The following TRAPPC9 variants were observed in gnomAD, a reference collection of about 807,000 sequenced individuals.
The protein encoded by TRAPPC9 is IKK2 binding protein.
In TRAPPC9, 83 loss-of-function variants were observed where a neutral mutation model predicts 124.0. That is an observed-to-expected ratio of 0.67 (90% CI 0.56 to 0.80). The LOEUF (loss-of-function observed/expected upper bound fraction) is 0.80, where lower values mean the gene tolerates loss of function less well. TRAPPC9 is among the 30% of genes least tolerant of loss of function. The pLI, the probability that TRAPPC9 is intolerant of heterozygous loss-of-function variation, is 0.00. For synonymous variants in TRAPPC9, 638 were observed against 617.5 expected, an observed-to-expected ratio of 1.03 and a Z score of -0.49; for missense variants, 1,302 against 1,508.3, an observed-to-expected ratio of 0.86 and a Z score of 2.27.
In TRAPPC9 at chr8:140,352,989, G is replaced by A. The variant is rs74456058; in HGVS notation, c.1495+7061C>T. Among the ~76,000 whole-genome samples the A allele has an allele frequency of 5.7e-3, 863 of 152,226 alleles. 10 individuals carry two copies. The highest frequency in any genetic ancestry group is 0.02 in the African/African-American group (821 of 41,510). On this transcript the variant is annotated intron_variant, in intron 9 of 22. Transcript: ENST00000438773. ...GCAGCAGACATTGTTAGGCACTTCA[G>A]GTGTGTCATCTCCAATCCTTAAAAC...
intron 21 of TRAPPC9, among the ~76,000 whole-genome samples, chr8:139,738,454 G>T (rs550434551): frequency 2.0e-5 from 3 of 152,302 alleles, no homozygotes; most frequent in East Asian, 3.9e-4. Context: ...GAAGACCCTG[G>T]GCCATCGGAG....
chr8:139,981,803 C>T (rs1836915274), intron 19 of TRAPPC9, among the ~76,000 whole-genome samples: 1 of 152,200 alleles, frequency 6.6e-6, no homozygotes, highest in African/African-American at 2.4e-5. Flanking sequence ...TTCCCTGCCC[C>T]TCTCGCAGCA....
Position 140,104,648 on chromosome 8 carries a change from CA to C in TRAPPC9, c.2557-80570del, listed in dbSNP as rs2060632795. On this transcript the variant is annotated intron_variant, in intron 17 of 22. Transcript: ENST00000438773. This position sits in a 1 kb window ranked among gnomAD's most constrained non-coding sequence, Gnocchi z 4.0. ...AACGCAGGCGGCAGGAATGCTGCGT[CA>C]CACACAGGTGCTGTAAAAAGCTACG... Among the ~76,000 whole-genome samples, 1 of 152,138 alleles carries C rather than the reference CA, an allele frequency of 6.6e-6. No individual in the cohort carries two copies.
chr8:139,830,103 C>G (rs1825876717), intron 21 of TRAPPC9, among the ~76,000 whole-genome samples: 1 of 152,230 alleles, frequency 6.6e-6, no homozygotes, highest in East Asian at 1.9e-4. Flanking sequence ...ACCTACAGAG[C>G]TATCTAGAAA....
chr8:140,326,467 G>T (rs1478318878), intron 9 of TRAPPC9, among the ~76,000 whole-genome samples: 1 of 152,140 alleles, frequency 6.6e-6, no homozygotes, highest in East Asian at 1.9e-4. Context: ...GACCCGCTTT[G>T]CCTGCCACCA....
intron 17 of TRAPPC9, among the ~76,000 whole-genome samples, chr8:140,051,571 TCATTC>T (rs1169480221): frequency 5.5e-5 from 8 of 144,802 alleles, no homozygotes; most frequent in African/African-American, 2.1e-4. Context: ...AAAACATTGT[TCATTC>T]TTTTTTTTTT....
At chr8:140,271,972 G>A (rs1266625843) in intron 15 of TRAPPC9, among the ~76,000 whole-genome samples, 1 of 151,270 alleles carries the variant, frequency 6.6e-6, no homozygotes, top group Admixed American at 6.6e-5. Context: ...TTGTGAGGAT[G>A]GCAGTAATGG....
intron 9 of TRAPPC9, among the ~76,000 whole-genome samples, chr8:140,327,300 T>C (rs887826724): frequency 2.6e-5 from 4 of 152,170 alleles, no homozygotes; most frequent in African/African-American, 9.7e-5. Context: ...CCTCATGCAC[T>C]GCTGGAAGGA....
intron 19 of TRAPPC9, among the ~76,000 whole-genome samples, chr8:139,929,591 CAG>C (rs796635950): frequency 9.2e-5 from 14 of 152,286 alleles, no homozygotes; most frequent in African/African-American, 3.1e-4. Flanking sequence ...TCTCTCCACA[CAG>C]AGTTACCGTG....
At chr8:139,998,467 C>T (rs1410315229) in intron 18 of TRAPPC9, among the ~76,000 whole-genome samples, 1 of 152,178 alleles carries the variant, frequency 6.6e-6, no homozygotes, top group Non-Finnish European at 1.5e-5. Context: ...GCCTGTAATC[C>T]CAGCACTTTG....
chr8:139,899,830 G>T (rs1344616241), intron 20 of TRAPPC9, among the ~76,000 whole-genome samples: 1 of 152,078 alleles, frequency 6.6e-6, no homozygotes, highest in Non-Finnish European at 1.5e-5. Context: ...CCCTTTAAAG[G>T]CCTCACCAAG....
intron 21 of TRAPPC9, among the ~76,000 whole-genome samples, chr8:139,836,039 C>T (rs1045232599): frequency 3.3e-5 from 5 of 151,734 alleles, no homozygotes; most frequent in Non-Finnish European, 7.4e-5. Flanking sequence ...GACAGAGTCT[C>T]ACTCCGTCGC....
chr8:139,824,973 C>T lies in TRAPPC9; in HGVS notation c.3055+60906G>A, dbSNP rs375446136. Among the ~76,000 whole-genome samples the T allele has an allele frequency of 4.6e-5, 7 of 152,258 alleles. No individual in the cohort carries two copies. The East Asian group carries it at 1.4e-3, about 29-fold the overall frequency. On this transcript the variant is annotated intron_variant, in intron 21 of 22. Transcript: ENST00000438773. The stretch of plus-strand genomic sequence containing the variant: ...GCCTCCAGGGTTTTCTGTGTGCTCT[C>T]GTGAGTCCCCTGCAGGGAGGTGGAC...
At chr8:140,392,613 G>A (rs1394852298) in intron 7 of TRAPPC9, among the ~76,000 whole-genome samples, 4 of 152,192 alleles carry the variant, frequency 2.6e-5, no homozygotes, top group South Asian at 2.1e-4. Flanking sequence ...CGGACACAGC[G>A]CCGAGTGCCT....
At chr8:139,814,937 C>T (rs1013037415) in intron 21 of TRAPPC9, among the ~76,000 whole-genome samples, 3 of 152,152 alleles carry the variant, frequency 2.0e-5, no homozygotes, top group African/African-American at 4.8e-5. Context: ...GGCCGGGCAC[C>T]GAGTTGATGC....
intron 18 of TRAPPC9, among the ~76,000 whole-genome samples, chr8:139,993,795 A>G (rs1402544465): frequency 6.6e-6 from 1 of 152,234 alleles, no homozygotes; most frequent in African/African-American, 2.4e-5. Flanking sequence ...TATACAATAT[A>G]TATGTATATC....
intron 18 of TRAPPC9, among the ~76,000 whole-genome samples, chr8:139,996,158 C>CAAAAAAAAAAAAAAAAAAAAAAAAAGAAA: frequency 5.1e-5 from 1 of 19,424 alleles, no homozygotes; most frequent in Non-Finnish European, 8.5e-5. Context: ...AAAACTTAAG[C>CAAAAAAAAAAAAAAAAAAAAAAAAAGAAA]AAAAAAAAAA....
chr8:140,285,899 G>A (rs549661101), intron 13 of TRAPPC9, among the ~76,000 whole-genome samples: 26 of 152,270 alleles, frequency 1.7e-4, no homozygotes, highest in Middle Eastern at 3.4e-3. Flanking sequence ...TCACTCACCC[G>A]TAGGGAGCAC....
chr8:140,115,291 G>A (rs1379215970), intron 17 of TRAPPC9, among the ~76,000 whole-genome samples: 1 of 146,768 alleles, frequency 6.8e-6, no homozygotes, highest in Non-Finnish European at 1.5e-5. Flanking sequence ...TTTTTTAGAT[G>A]GAGTCTTGCT....
Sources: gnomAD v4.1 joint callset for allele counts (sites outside exome capture counted in the v4.1 genomes callset) on GRCh38, gnomAD v4.1.1 for gene constraint, Gnocchi (gnomAD v3.1) non-coding constraint, MANE v1.5 for transcripts, NCBI Gene and HGNC (gene_info 2026-07-23, HGNC 2026-07-21) for gene names.